The following MRM2 variants were observed in gnomAD, a reference collection of about 807,000 sequenced individuals.
The protein encoded by MRM2 is rRNA methyltransferase 2, mitochondrial.
Under a neutral mutation model 10.9 loss-of-function variants are expected in MRM2, and 15 were observed. The ratio of observed to expected loss-of-function variants is 1.37; its 90% CI spans 0.92 to 2.11. MRM2 has a LOEUF of 2.11. Ranked by LOEUF, MRM2 falls within the 30% of genes most tolerant of loss-of-function variation. MRM2 has a pLI of 0.00. For synonymous variants in MRM2, 139 were observed against 128.7 expected (o/e 1.08, Z -0.54); for missense variants, 328 against 321.3 (o/e 1.02, Z -0.16).
intron 1 of MRM2, 99 bp downstream of exon 1, chr7:2,242,063 G>T: frequency 7.6e-7 from 1 of 1,308,094 alleles, no homozygotes; most frequent in Non-Finnish European, 1.1e-6. Flanking sequence ...GGTGCCCAGC[G>T]CTCGGCACCC....
At position 2,239,637 on chromosome 7, in the gene MRM2, G is replaced by C; in HGVS notation, c.79C>G (p.Arg27Gly). ...AGCCACAGGTGCTCAGCGCCTGTCCGATTCTTGCAGCGACTCCCAACAGTG... is the reference window on the plus strand; with the variant it reads ...AGCCACAGGTGCTCAGCGCCTGTCCCATTCTTGCAGCGACTCCCAACAGTG... ...FHTVGSRCKN[R>G]TGAEHLWLTR... The change falls in exon 2 of 3, where the codon CGG becomes GGG. Residue 27 changes from arginine (R) to glycine (G), a missense_variant. Coordinates refer to ENST00000242257, the MANE Select transcript of MRM2 (RefSeq NM_013393.3). 4 of 1,614,042 alleles carry C rather than the reference G, an allele frequency of 2.5e-6. No homozygotes were observed. The highest frequency in any genetic ancestry group is 2.2e-5 in the East Asian group (1 of 44,880).
chr7:2,235,359 G>A lies in MRM2; in HGVS notation c.504C>T (p.Asp168=). ...GGGTCAGGCACAGGCTGATGAGCCT[G>A]TCATGATCGAGGTCCCGGAACCCTG... The part of the protein sequence containing the change: ...NATGFRDLDH[D]RLISLCLTLL... The change falls in exon 3 of 3, where the codon GAC becomes GAT. Residue 168 remains aspartate, a synonymous_variant. Coordinates refer to ENST00000242257, the MANE Select transcript of MRM2 (RefSeq NM_013393.3). 1 of 1,614,116 alleles carries A rather than the reference G, an allele frequency of 6.2e-7. No individual in the cohort carries two copies. The highest frequency in any genetic ancestry group is 1.1e-5 in the South Asian group (1 of 91,090).
chr7:2,238,501 C>T (rs1204666822), intron 2 of MRM2: 1 of 152,196 alleles, frequency 6.6e-6, no homozygotes, highest in Non-Finnish European at 1.5e-5. Context: ...CAGCTTCATC[C>T]AGAGCAAAGA....
chr7:2,237,739 C>T (rs558929455), intron 2 of MRM2, among the ~76,000 whole-genome samples: 3 of 152,104 alleles, frequency 2.0e-5, no homozygotes, highest in African/African-American at 4.8e-5. Flanking sequence ...GCCTGGAGTT[C>T]GAGACCAGCC....
intron 1 of MRM2, 124 bp from the exon 2 acceptor site, chr7:2,239,831 G>A (rs1403625083): frequency 1.2e-6 from 1 of 843,480 alleles, no homozygotes; most frequent in Non-Finnish European, 1.9e-6. Flanking sequence ...AGGAGGGGAG[G>A]TGAACTGATA....
At chr7:2,242,107 G>A (rs1794559958) in intron 1 of MRM2, 55 bp downstream of exon 1, 1 of 1,568,682 alleles carries the variant, frequency 6.4e-7, no homozygotes, top group Admixed American at 1.7e-5. Flanking sequence ...AGGCGACCGG[G>A]CGGACCCCCA....
rs62442505 is a variant in MRM2, at chr7:2,236,257, T to G, written c.299-693A>C. On this transcript the variant is annotated intron_variant, in intron 2 of 2. Transcript: ENST00000242257. The stretch of plus-strand genomic sequence containing the variant: ...AAGAAAAAGAAAAAGAAAAAGAAAA[T>G]AATAAACTAGTACATAAAGTGCCTC... Among the ~76,000 whole-genome samples the G allele has an allele frequency of 3.1e-3, 468 of 151,950 alleles. 1 individual carries two copies. Among genetic ancestry groups the G allele is most frequent in the African/African-American group, 0.011 (437 of 41,444 alleles).
In MRM2 at chr7:2,235,367, C is replaced by T. The variant is rs370782679; in HGVS notation, c.496G>A (p.Asp166Asn). 5.6e-6 allele frequency: 9 copies of T among 1,613,988 alleles called. No homozygotes were observed. Among genetic ancestry groups the T allele is most frequent in the African/African-American group, 5.3e-5 (4 of 74,918 alleles). ...APNATGFRDL[D>N]HDRLISLCLT... ...CACAGGCTGATGAGCCTGTCATGAT[C>T]GAGGTCCCGGAACCCTGTGGCATTG... Residue 166 changes from aspartate to asparagine, a missense_variant, in exon 3 of 3, where the codon GAT (aspartate) becomes AAT (asparagine). Physicochemically the swap from Asp to Asn is conservative, Grantham distance 23. Coordinates refer to ENST00000242257, the MANE Select transcript of MRM2 (RefSeq NM_013393.3).
rs899329087 is a variant in MRM2 at position 2,239,418 on chromosome 7, C to T, written c.298G>A (p.Asp100Asn). 6.2e-7 allele frequency: 1 copy of T among 1,602,846 alleles called. No homozygotes were observed. Among genetic ancestry groups the T allele is most frequent in the Non-Finnish European group, 8.5e-7 (1 of 1,174,662 alleles). ...TGCCAACAGCAGTGCAGAGGCCCAC[C>T]TGTGCCTGCGGCGTTGACCTTCTGC... The part of the protein sequence containing the change: ...AVQKVNAAGT[D>N]PSSPVGFVLG... The change falls in exon 2 of 3, where the codon GAT becomes AAT. Residue 100 changes from aspartate (D) to asparagine (N), a missense_variant and splice_region_variant. Transcript: ENST00000242257.
chr7:2,235,530 T>C lies in MRM2; in HGVS notation c.333A>G (p.Val111=). The part of the protein sequence containing the change: ...PSSPVGFVLG[V]DLLHIFPLEG... The stretch of plus-strand genomic sequence containing the variant: ...CCAGGGGGAATATGTGAAGAAGATC[T>C]ACCCCAAGCACGAAGCCAACAGGAG... The change falls in exon 3 of 3, where the codon GTA becomes GTG. Residue 111 remains valine (V), a synonymous_variant. Coordinates refer to ENST00000242257, the MANE Select transcript of MRM2 (RefSeq NM_013393.3). 6.2e-7 allele frequency: 1 copy of C among 1,612,944 alleles called. No homozygotes were observed.
At chr7:2,238,996 T>C (rs1242271014) in intron 2 of MRM2, 6 of 61,900 alleles carry the variant, frequency 9.7e-5, no homozygotes, top group Non-Finnish European at 1.7e-4. Flanking sequence ...TATATATATA[T>C]ATATATATAT....
intron 2 of MRM2, chr7:2,238,985 AT>A (rs1399330003): frequency 1.2e-3 from 17 of 14,206 alleles, no homozygotes; most frequent in Non-Finnish European, 1.6e-3. Flanking sequence ...AATTATATAT[AT>A]ATATATATAT....
intron 1 of MRM2, among the ~76,000 whole-genome samples, chr7:2,241,662 G>A (rs1794543739): frequency 1.3e-5 from 2 of 152,328 alleles, no homozygotes; most frequent in East Asian, 1.9e-4. Context: ...ATGGCTCCAA[G>A]GCCAAAGCTT....
chr7:2,235,002 C>T lies in MRM2; in HGVS notation c.*120G>A. 4.2e-6 allele frequency: 3 copies of T among 717,938 alleles called. No individual in the cohort carries two copies. The highest frequency in any genetic ancestry group is 1.8e-5 in the South Asian group (1 of 55,504). 44.5% of individuals were successfully genotyped at this position (717,938 alleles called of 1,614,324 possible). On this transcript the variant is annotated 3_prime_UTR_variant, in exon 3 of 3. Transcript: ENST00000242257. ...GAGAGAAAGAGAGAGAGAGACTCCC[C>T]ACTTGTCCTGCTCCATCTCCAAAAT...
chr7:2,236,577 A>C, intron 2 of MRM2, among the ~76,000 whole-genome samples: 1 of 152,228 alleles, frequency 6.6e-6, no homozygotes, highest in South Asian at 2.1e-4. Flanking sequence ...GACCCAGCTA[A>C]AATGAGGCGT....
chr7:2,240,178 C>A (rs541522988), intron 1 of MRM2: 1 of 398,904 alleles, frequency 2.5e-6, no homozygotes, highest in Non-Finnish European at 5.1e-6. Flanking sequence ...GCCGAGATTG[C>A]GCCACTGCAC....
chr7:2,234,298 G>C lies in MRM2; in HGVS notation c.*824C>G, dbSNP rs911552148. 6.6e-6 allele frequency: 1 copy of C among 152,128 alleles called. No homozygotes were observed. The highest frequency in any genetic ancestry group is 1.5e-5 in the Non-Finnish European group (1 of 68,026). 9.4% of individuals were successfully genotyped at this position (152,128 alleles called of 1,614,324 possible). A position where few individuals can be genotyped will look rare whatever the true frequency, so the allele number is the denominator to read the frequency against. On this transcript the variant is annotated 3_prime_UTR_variant, in exon 3 of 3. Coordinates refer to ENST00000242257, the MANE Select transcript of MRM2 (RefSeq NM_013393.3). ...AACACACCACATCACTGCTTGCTTT[G>C]GCAATTACATTTATGTTCTTGGGAG...
At position 2,235,707 on chromosome 7, in the gene MRM2, C is replaced by T. The variant is rs1028877339; in HGVS notation, c.299-143G>A. 9.6e-6 allele frequency: 6 copies of T among 627,672 alleles called. No individual in the cohort carries two copies. In the African/African-American group the frequency reaches 1.1e-4, roughly 12 times the overall value. The allele number at this position is 627,672 out of a possible 1,614,324, so 38.9% of individuals were successfully genotyped here. A position where few individuals can be genotyped will look rare whatever the true frequency, so the allele number is the denominator to read the frequency against. ...TAATGTGCAAATAGGTAAACACAGG[C>T]CTTCTCTATCTATACATCCTATAAA... On this transcript the variant is annotated intron_variant, in intron 2 of 2. Coordinates refer to ENST00000242257, the MANE Select transcript of MRM2 (RefSeq NM_013393.3).
Position 2,234,276 on chromosome 7 carries a change from A to G in MRM2, c.*846T>C, listed in dbSNP as rs1369115690. ...CCTAGATGAGTAAAAGAAAATAAAC[A>G]CACCACATCACTGCTTGCTTTGGCA... is the stretch of plus-strand genomic sequence containing the variant. On this transcript the variant is annotated 3_prime_UTR_variant, in exon 3 of 3. Coordinates refer to ENST00000242257, the MANE Select transcript of MRM2 (RefSeq NM_013393.3). 6.6e-6 allele frequency: 1 copy of G among 152,180 alleles called. No individual in the cohort carries two copies. The highest frequency in any genetic ancestry group is 1.5e-5 in the Non-Finnish European group (1 of 68,020). 9.4% of individuals were successfully genotyped at this position (152,180 alleles called of 1,614,324 possible). A position where few individuals can be genotyped will look rare whatever the true frequency, so the allele number is the denominator to read the frequency against.
Sources: allele counts gnomAD v4.1 joint callset (sites outside exome capture counted in the v4.1 genomes callset), GRCh38; gene constraint gnomAD v4.1.1; transcripts MANE v1.5; gene names NCBI Gene and HGNC (gene_info 2026-07-23, HGNC 2026-07-21).